Variants in LRSAM1 observed in about 807,000 individuals in gnomAD.
LRSAM1 encodes leucine rich repeat and sterile alpha motif containing 1.
Under a neutral mutation model 118.1 loss-of-function variants are expected in LRSAM1, and 96 were observed. The observed-to-expected ratio is 0.81, with a 90% confidence interval of 0.69 to 0.96. LRSAM1 has a LOEUF of 0.96. Among genes scored for constraint, LRSAM1 ranks in the 40% least tolerant of loss-of-function variants. The pLI, the probability that LRSAM1 is intolerant of heterozygous loss-of-function variation, is 0.00. For synonymous variants in LRSAM1, 322 were observed against 364.2 expected, an observed-to-expected ratio of 0.88 and a Z score of 1.32; for missense variants, 804 against 915.5, an observed-to-expected ratio of 0.88 and a Z score of 1.57.
intron 7 of LRSAM1, among the ~76,000 whole-genome samples, chr9:127,460,209 A>G (rs1418732343): frequency 6.6e-6 from 1 of 152,088 alleles, no homozygotes; most frequent in Non-Finnish European, 1.5e-5. Context: ...CATGTTCACC[A>G]GGATGGTCTC....
rs772648927 is a variant in LRSAM1 at position 127,495,988 on chromosome 9, G to A, written c.1723G>A (p.Val575Met). Residue 575 changes from valine to methionine, a missense_variant, in exon 23 of 26, where the codon GTG (valine) becomes ATG (methionine). Physicochemically the swap from Val to Met is conservative, Grantham distance 21. Coordinates refer to ENST00000300417, the MANE Select transcript of LRSAM1 (RefSeq NM_001005373.4). ...GGAAGAGGGGATGGAGCGCCAGCTGGTGGCCCTCCTGGAGGAGCTGTCGGC... is the reference window on the plus strand; with the variant it reads ...GGAAGAGGGGATGGAGCGCCAGCTGATGGCCCTCCTGGAGGAGCTGTCGGC... ...LQEEGMERQLVALLEELSAEH... is the reference protein window; with the variant it reads ...LQEEGMERQLMALLEELSAEH... The A allele has an allele frequency of 6.2e-7, 1 of 1,612,972 alleles. No individual in the cohort carries two copies. Among genetic ancestry groups the A allele is most frequent in the Non-Finnish European group, 8.5e-7 (1 of 1,179,986 alleles).
chr9:127,492,916 T>G lies in LRSAM1; in HGVS notation c.1599+19T>G. The G allele has an allele frequency of 6.2e-7, 1 of 1,606,746 alleles. No homozygotes were observed. The highest frequency in any genetic ancestry group is 8.5e-7 in the Non-Finnish European group (1 of 1,173,560). The stretch of plus-strand genomic sequence containing the variant: ...AATCCTGGTATGTGTTTGGCTTCTG[T>G]GCTCAGCATCACACAGGCATTTGCT... On this transcript the variant is annotated intron_variant, in intron 21 of 25. Coordinates refer to ENST00000300417, the MANE Select transcript of LRSAM1 (RefSeq NM_001005373.4).
At chr9:127,487,861 C>A in intron 18 of LRSAM1, 98 bp downstream of exon 18, 1 of 1,037,530 alleles carries the variant, frequency 9.6e-7, no homozygotes, top group Non-Finnish European at 1.4e-6. Flanking sequence ...TCCTAGACAG[C>A]ATGTGGGACC....
chr9:127,474,246 C>G (rs1282967834), intron 11 of LRSAM1, among the ~76,000 whole-genome samples: 2 of 150,078 alleles, frequency 1.3e-5, no homozygotes, highest in Non-Finnish European at 3.0e-5. Context: ...ACTCACTTGT[C>G]TTATCCTTCA....
chr9:127,460,658 A>G (rs1032443819), intron 7 of LRSAM1, among the ~76,000 whole-genome samples: 1 of 152,114 alleles, frequency 6.6e-6, no homozygotes, highest in Non-Finnish European at 1.5e-5. Context: ...TGACTTTGCC[A>G]CCCTGAGCTT....
intron 21 of LRSAM1, among the ~76,000 whole-genome samples, chr9:127,493,773 G>A (rs1258828455): frequency 1.3e-5 from 2 of 152,166 alleles, no homozygotes; most frequent in Non-Finnish European, 2.9e-5. Flanking sequence ...CCCCTTGAGA[G>A]TGTCTCCTCT....
chr9:127,486,129 G>C (rs1835720464), intron 17 of LRSAM1, among the ~76,000 whole-genome samples: 1 of 152,260 alleles, frequency 6.6e-6, no homozygotes, highest in Non-Finnish European at 1.5e-5. Context: ...AGGAGGGACT[G>C]TATTGTTATT....
chr9:127,490,438 G>A (rs571753393), intron 19 of LRSAM1, among the ~76,000 whole-genome samples: 21 of 152,042 alleles, frequency 1.4e-4, no homozygotes, highest in South Asian at 6.2e-4. Flanking sequence ...TGGCTATGGG[G>A]TCTGACCCCC....
At chr9:127,489,926 A>T (rs1054888430) in intron 19 of LRSAM1, among the ~76,000 whole-genome samples, 27 of 152,316 alleles carry the variant, frequency 1.8e-4, no homozygotes, top group Non-Finnish European at 1.5e-4. Flanking sequence ...TCTCAGGGGC[A>T]TATAGTATTT....
At chr9:127,494,182 TG>T (rs1233435081) in intron 21 of LRSAM1, among the ~76,000 whole-genome samples, 1 of 152,092 alleles carries the variant, frequency 6.6e-6, no homozygotes, top group Non-Finnish European at 1.5e-5. Context: ...TCCTGGGCGC[TG>T]GAAGAGAGGG....
intron 14 of LRSAM1, 61 bp downstream of exon 14, chr9:127,480,039 C>T: frequency 6.2e-7 from 1 of 1,610,606 alleles, no homozygotes; most frequent in East Asian, 2.2e-5. Context: ...CCCTGAGGAG[C>T]CGGGAGGAGT....
chr9:127,469,615 C>T (rs1382613520), intron 10 of LRSAM1, among the ~76,000 whole-genome samples: 1 of 106,822 alleles, frequency 9.4e-6, no homozygotes, highest in Non-Finnish European at 2.0e-5. Context: ...CAGAACTTTT[C>T]AATGGAAAAA....
chr9:127,476,809 G>T (rs149717063), intron 11 of LRSAM1, among the ~76,000 whole-genome samples: 29 of 152,072 alleles, frequency 1.9e-4, no homozygotes, highest in African/African-American at 7.0e-4. Flanking sequence ...CGAGTAGCTG[G>T]GATTACAGGC....
In LRSAM1 at chr9:127,495,339, G is replaced by T. The variant is rs1400819662; in HGVS notation, c.1619G>T (p.Ser540Ile). 1.1e-5 allele frequency: 17 copies of T among 1,613,990 alleles called. No homozygotes were observed. The highest frequency in any genetic ancestry group is 1.4e-5 in the Non-Finnish European group (17 of 1,180,010). The change falls in exon 22 of 26, where the codon AGT (serine) becomes ATT (isoleucine). Residue 540 changes from serine (S) to isoleucine (I), a missense_variant. Physicochemically the swap from Ser to Ile is moderately radical, Grantham distance 142. Coordinates refer to ENST00000300417, the MANE Select transcript of LRSAM1 (RefSeq NM_001005373.4). Reference sequence around the variant, plus strand: ...TGGCAGACGGAGTTAGAAGCCAAAAGTGAAACCAGGCAGGAAAATTACTGG... The same window carrying T: ...TGGCAGACGGAGTTAGAAGCCAAAATTGAAACCAGGCAGGAAAATTACTGG... ...REILTELEAK[S>I]ETRQENYWLI...
At chr9:127,496,863 G>A (rs577217372) in intron 23 of LRSAM1, among the ~76,000 whole-genome samples, 2 of 152,370 alleles carry the variant, frequency 1.3e-5, no homozygotes, top group African/African-American at 4.8e-5. Flanking sequence ...TGTGGGGCTC[G>A]TGTGCTGCTG....
chr9:127,503,015 C>T lies in LRSAM1; in HGVS notation c.*116C>T. 7.2e-7 allele frequency: 1 copy of T among 1,380,402 alleles called. No individual in the cohort carries two copies. Among genetic ancestry groups the T allele is most frequent in the Non-Finnish European group, 9.9e-7 (1 of 1,006,364 alleles). 85.5% of individuals were successfully genotyped at this position (1,380,402 alleles called of 1,614,324 possible). ...TATGAGGCTCCCCCCTGCCCTGGGC[C>T]CCTTCCCCACTGCCCAGGAGCCCCC... On this transcript the variant is annotated 3_prime_UTR_variant, in exon 26 of 26. Coordinates refer to ENST00000300417, the MANE Select transcript of LRSAM1 (RefSeq NM_001005373.4).
rs10987668 is a variant in LRSAM1, at chr9:127,489,336, C to A, written c.1348-108C>A. On this transcript the variant is annotated intron_variant, in intron 18 of 25. Transcript: ENST00000300417. ...AATCTTCTCCCTCTCTCAGAAAAAACCCATCCATTAAGGTGCTTTGTACAC... is the reference window on the plus strand; with the variant it reads ...AATCTTCTCCCTCTCTCAGAAAAAAACCATCCATTAAGGTGCTTTGTACAC... 0.18 allele frequency: 230,088 copies of A among 1,299,064 alleles called. 23,030 individuals are homozygous for A. Among genetic ancestry groups the A allele is most frequent in the Admixed American group, 0.41 (20,873 of 50,502 alleles). 80.5% of individuals were successfully genotyped at this position (1,299,064 alleles called of 1,614,324 possible). A position where few individuals can be genotyped will look rare whatever the true frequency, so the allele number is the denominator to read the frequency against.
At chr9:127,467,971 A>T (rs1353201845) in intron 10 of LRSAM1, 141 bp downstream of exon 10, 2 of 761,212 alleles carry the variant, frequency 2.6e-6, no homozygotes, top group Non-Finnish European at 4.4e-6. Context: ...CTGGCAAGGG[A>T]AACAGGCAAA....
At chr9:127,455,757 G>C in intron 5 of LRSAM1, 137 bp downstream of exon 5, 1 of 843,044 alleles carries the variant, frequency 1.2e-6, no homozygotes, top group East Asian at 2.6e-5. Flanking sequence ...GCCTGCAGCA[G>C]GTGTTTTCAC....
Sources: gnomAD v4.1 joint callset for allele counts (sites outside exome capture counted in the v4.1 genomes callset) on GRCh38, gnomAD v4.1.1 for gene constraint, MANE v1.5 for transcripts, NCBI Gene and HGNC (gene_info 2026-07-23, HGNC 2026-07-21) for gene names.